The following AKAP13 variants were observed in gnomAD, a reference collection of about 807,000 sequenced individuals.
AKAP13 encodes A-kinase anchoring protein 13, also known as A-kinase anchor protein 13.
A neutral mutation model predicts 264.5 loss-of-function variants in AKAP13; 80 were observed. That is an observed-to-expected ratio of 0.30 (90% confidence interval 0.25 to 0.36). AKAP13 has a LOEUF of 0.36. AKAP13 is among the 10% of genes least tolerant of loss of function. AKAP13 has a pLI of 1.00. For missense variants in AKAP13, 3,712 were observed against 3,435.2 expected (o/e 1.08, Z -2.01); for synonymous variants, 1,380 against 1,250.2 (o/e 1.10, Z -2.19).
chr15:85,522,673 A>G (rs966810813), intron 3 of AKAP13, among the ~76,000 whole-genome samples: 3 of 151,934 alleles, frequency 2.0e-5, no homozygotes, highest in Admixed American at 2.0e-4. Flanking sequence ...ACCACTTTAT[A>G]TATGTCTATG....
chr15:85,735,528 T>TA (rs367968392), intron 31 of AKAP13, 32 bp from the exon 32 acceptor site: 43,251 of 1,078,152 alleles, frequency 0.04, 6 homozygotes, highest in Non-Finnish European at 0.044. Flanking sequence ...TTCACAACTT[T>TA]AAAAAAAAAA....
chr15:85,422,383 G>C (rs1433341906), intron 1 of AKAP13, among the ~76,000 whole-genome samples: 4 of 152,142 alleles, frequency 2.6e-5, no homozygotes, highest in African/African-American at 7.2e-5. Flanking sequence ...GAGTTAGCAG[G>C]GAAAAGGGGA....
chr15:85,709,919 C>G (rs2151695318), intron 18 of AKAP13, among the ~76,000 whole-genome samples: 1 of 152,122 alleles, frequency 6.6e-6, no homozygotes, highest in East Asian at 1.9e-4. Context: ...AACTCCTGAC[C>G]TGAGGTGATC....
intron 1 of AKAP13, among the ~76,000 whole-genome samples, chr15:85,386,367 C>T (rs995243106): frequency 6.6e-6 from 1 of 151,546 alleles, no homozygotes; most frequent in Non-Finnish European, 1.5e-5. Flanking sequence ...AGATCTTGTT[C>T]ACTGGAATCT....
In AKAP13 at chr15:85,570,334, C is replaced by G. The variant is rs372815473; in HGVS notation, c.663-4797C>G. ...AGTGTGGTGGCACACGCCCTGTAAT[C>G]CCTGCTACTTGGGAGGCGGAGGCAG... is the stretch of plus-strand genomic sequence containing the variant. On this transcript the variant is annotated intron_variant, in intron 5 of 36. Transcript: ENST00000394518. 5.9e-5 allele frequency among the ~76,000 whole-genome samples: 9 copies of G among 152,144 alleles called. No individual in the cohort carries two copies. The South Asian group carries it at 6.2e-4, about 11-fold the overall frequency.
In AKAP13 at chr15:85,722,213, T is replaced by G. The variant is rs1483778740; in HGVS notation, c.6379-17T>G. On this transcript the variant is annotated splice_polypyrimidine_tract_variant and intron_variant, in intron 24 of 36. Transcript: ENST00000394518. ...CTTTTTCATGTGATTCCTCACAGTC[T>G]GTTTACTCCCTTGCAGAAGAAGATG... The G allele has an allele frequency of 6.2e-7, 1 of 1,609,954 alleles. No homozygotes were observed. Among genetic ancestry groups the G allele is most frequent in the East Asian group, 2.2e-5 (1 of 44,844 alleles).
chr15:85,708,190 A>C lies in AKAP13; in HGVS notation c.5532+104A>C, dbSNP rs2086420954. The C allele has an allele frequency of 9.1e-7, 1 of 1,098,944 alleles. No individual in the cohort carries two copies. Among genetic ancestry groups the C allele is most frequent in the Non-Finnish European group, 1.3e-6 (1 of 765,352 alleles). The allele number at this position is 1,098,944 out of a possible 1,614,324, so 68.1% of individuals were successfully genotyped here. Reference sequence around the variant, plus strand: ...GGTTGTGGTGGATTTTGTTTATTTTAATCATTTGGTACCAACTTTGAGAAC... The same window carrying C: ...GGTTGTGGTGGATTTTGTTTATTTTCATCATTTGGTACCAACTTTGAGAAC... On this transcript the variant is annotated intron_variant, in intron 18 of 36. Transcript: ENST00000394518. The surrounding 1 kb of genome is among the most constrained non-coding windows in gnomAD (Gnocchi z 4.3).
At chr15:85,646,066 A>C in intron 10 of AKAP13, 112 bp downstream of exon 10, 1 of 1,319,676 alleles carries the variant, frequency 7.6e-7, no homozygotes, top group Non-Finnish European at 1.0e-6. Context: ...TGTTTCCCTA[A>C]ATATGTAACT....
intron 2 of AKAP13, among the ~76,000 whole-genome samples, chr15:85,486,702 A>G (rs1184427192): frequency 7.1e-6 from 1 of 141,126 alleles, no homozygotes; most frequent in Non-Finnish European, 1.6e-5. Flanking sequence ...ATTCATTTTG[A>G]TGGTATTGTT....
At chr15:85,716,920 G>A (rs2086983816) in intron 20 of AKAP13, among the ~76,000 whole-genome samples, 1 of 152,236 alleles carries the variant, frequency 6.6e-6, no homozygotes, top group African/African-American at 2.4e-5. Context: ...TTGATTGTAA[G>A]TGCTAGATCT....
At chr15:85,666,632 T>C (rs1280447850) in intron 13 of AKAP13, among the ~76,000 whole-genome samples, 1 of 152,210 alleles carries the variant, frequency 6.6e-6, no homozygotes, top group African/African-American at 2.4e-5. Context: ...CACTGCAGCT[T>C]CAACTTCCCC....
At chr15:85,542,225 G>C (rs559980318) in intron 4 of AKAP13, among the ~76,000 whole-genome samples, 8 of 152,298 alleles carry the variant, frequency 5.3e-5, no homozygotes, top group African/African-American at 1.7e-4. Flanking sequence ...ATTTGTACCT[G>C]CACATGTAGT....
rs916814650 is a variant in AKAP13, at chr15:85,569,936, G to A, written c.663-5195G>A. On this transcript the variant is annotated intron_variant, in intron 5 of 36. Transcript: ENST00000394518. The stretch of plus-strand genomic sequence containing the variant: ...ACTAAAAATACCAAAAATTAGCCGG[G>A]CATGGTGGCGGGCGCCTGTAGTCCC... 3.9e-5 allele frequency among the ~76,000 whole-genome samples: 6 copies of A among 152,150 alleles called. No individual in the cohort carries two copies. In the East Asian group the frequency reaches 9.8e-4, roughly 25 times the overall value.
intron 1 of AKAP13, chr15:85,415,488 A>C: frequency 6.4e-7 from 1 of 1,562,100 alleles, no homozygotes; most frequent in Non-Finnish European, 8.8e-7. Context: ...GACTGTGTGC[A>C]ACTTTACAGA....
In AKAP13 at chr15:85,718,141, C is replaced by T. The variant is rs767886806; in HGVS notation, c.5983C>T (p.Arg1995Trp). The change falls in exon 22 of 37, where the codon CGG (arginine) becomes TGG (tryptophan). Residue 1995 changes from arginine to tryptophan, a missense_variant. Coordinates refer to ENST00000394518, the MANE Select transcript of AKAP13 (RefSeq NM_007200.5). This position sits in a 1 kb window ranked among gnomAD's most constrained non-coding sequence, Gnocchi z 4.9. ...ACAGCAAAAGAAAGATGTGGTCAAA[C>T]GGCAAGAAGTAATATATGGTGAGAG... The part of the protein sequence containing the change: ...LKQQKKDVVK[R>W]QEVIYELMQT... 1 of 1,614,062 alleles carries T rather than the reference C, an allele frequency of 6.2e-7. No homozygotes were observed. Among genetic ancestry groups the T allele is most frequent in the South Asian group, 1.1e-5 (1 of 91,074 alleles).
intron 8 of AKAP13, among the ~76,000 whole-genome samples, chr15:85,618,376 A>G (rs1441627595): frequency 6.6e-6 from 1 of 152,158 alleles, no homozygotes; most frequent in Admixed American, 6.5e-5. Flanking sequence ...TATTTGAGCC[A>G]CTGCTTTCAC....
At chr15:85,515,317 C>A (rs1306349823) in intron 2 of AKAP13, among the ~76,000 whole-genome samples, 1 of 138,344 alleles carries the variant, frequency 7.2e-6, no homozygotes, top group Non-Finnish European at 1.5e-5. Flanking sequence ...GCCATATTTG[C>A]TTAATCATTC....
chr15:85,739,629 C>G (rs1399721331), intron 33 of AKAP13, among the ~76,000 whole-genome samples: 1 of 152,034 alleles, frequency 6.6e-6, no homozygotes, highest in Non-Finnish European at 1.5e-5. Flanking sequence ...TTTGCAAAGC[C>G]TTCCCTGTTT....
At chr15:85,487,694 T>A (rs546698882) in intron 2 of AKAP13, among the ~76,000 whole-genome samples, 90 of 151,664 alleles carry the variant, frequency 5.9e-4, no homozygotes, top group African/African-American at 2.1e-3. Flanking sequence ...ACCTCCTGAG[T>A]AGCTAGGACT....
Sources: gnomAD v4.1 joint callset for allele counts (sites outside exome capture counted in the v4.1 genomes callset) on GRCh38, gnomAD v4.1.1 for gene constraint, Gnocchi (gnomAD v3.1) non-coding constraint, MANE v1.5 for transcripts, NCBI Gene and HGNC (gene_info 2026-07-23, HGNC 2026-07-21) for gene names.